Variants in ASXL3 observed in about 807,000 individuals in gnomAD.
ASXL3 encodes putative Polycomb group protein ASXL3.
In ASXL3, 34 loss-of-function variants were observed where a neutral mutation model predicts 170.6. The observed-to-expected ratio is 0.20, with a 90% CI of 0.15 to 0.27. ASXL3 has a LOEUF of 0.27. Ranked by LOEUF, ASXL3 falls within the 10% of genes least tolerant of loss-of-function variation. The pLI is 1.00. For missense variants in ASXL3, 2,592 were observed against 2,695.3 expected, an observed-to-expected ratio of 0.96 and a Z score of 0.85; for synonymous variants, 1,002 against 989.1, an observed-to-expected ratio of 1.01 and a Z score of -0.24.
rs375335628 is a variant in ASXL3, at chr18:33,744,600, T to C, written c.4752T>C (p.Arg1584=). ...GTCATAACTTTGCTGAGCAGGCACG[T>C]GGCCCAGCTCCTTTCAAAAGTGAAG... ...APSHNFAEQA[R]GPAPFKSEAD... is the part of the protein sequence containing the mutation. Residue 1584 remains arginine (R), a synonymous_variant, in exon 12 of 12, where the codon CGT becomes CGC. Transcript: ENST00000269197. 3.6e-4 allele frequency: 579 copies of C among 1,609,214 alleles called. No homozygotes were observed. Among genetic ancestry groups the C allele is most frequent in the Non-Finnish European group, 4.6e-4 (547 of 1,177,652 alleles).
At position 33,744,796 on chromosome 18, in the gene ASXL3, T is replaced by C. The variant is rs778210747; in HGVS notation, c.4948T>C (p.Leu1650=). ...TATCAAAACTGAACATGCCAACTAC[T>C]TGAACGTGTCAGAACTTCATCCCAG... ...KAIKTEHANY[L]NVSELHPRNL... is the part of the protein sequence containing the mutation. Residue 1650 remains leucine, a synonymous_variant, in exon 12 of 12, where the codon TTG becomes CTG. Transcript: ENST00000269197. 2.1e-5 allele frequency: 34 copies of C among 1,614,038 alleles called. 1 individual carries two copies. The Middle Eastern group carries it at 8.2e-4, about 39-fold the overall frequency.
intron 4 of ASXL3, among the ~76,000 whole-genome samples, chr18:33,660,278 T>C (rs1293436367): frequency 6.6e-6 from 1 of 152,168 alleles, no homozygotes; most frequent in Non-Finnish European, 1.5e-5. Context: ...ATAACTGTTA[T>C]TTTATTTTCC....
chr18:33,605,093 C>A (rs2065229844), intron 1 of ASXL3, among the ~76,000 whole-genome samples: 1 of 151,908 alleles, frequency 6.6e-6, no homozygotes, highest in African/African-American at 2.4e-5. Context: ...AACAGATCTC[C>A]CACCAAAACA....
intron 4 of ASXL3, among the ~76,000 whole-genome samples, chr18:33,658,592 T>G (rs967762172): frequency 1.3e-5 from 2 of 152,258 alleles, no homozygotes; most frequent in East Asian, 3.9e-4. Context: ...TTCTTAAAAA[T>G]AAGTTATTTA....
intron 1 of ASXL3, among the ~76,000 whole-genome samples, chr18:33,591,900 C>T (rs1003970674): frequency 1.3e-5 from 2 of 152,100 alleles, no homozygotes; most frequent in African/African-American, 2.4e-5. Flanking sequence ...CTCAGCCTCC[C>T]AAAGTGCTGG....
At chr18:33,734,241 C>A (rs1476738774) in intron 9 of ASXL3, 69 bp from the exon 10 acceptor site, 2 of 1,040,692 alleles carry the variant, frequency 1.9e-6, no homozygotes. Flanking sequence ...AAATGAATTA[C>A]ATGTTTTCTT....
At chr18:33,709,766 T>A (rs1490852817) in intron 8 of ASXL3, among the ~76,000 whole-genome samples, 1 of 152,220 alleles carries the variant, frequency 6.6e-6, no homozygotes, top group Non-Finnish European at 1.5e-5. Context: ...AAGGAAAATA[T>A]GTCACATGTG....
intron 1 of ASXL3, among the ~76,000 whole-genome samples, chr18:33,588,470 C>A (rs1387942444): frequency 8.6e-5 from 13 of 151,264 alleles, no homozygotes; most frequent in African/African-American, 3.2e-4. Flanking sequence ...AACACATAGA[C>A]AAGGTCATGC....
At chr18:33,726,147 G>A (rs2067346477) in intron 8 of ASXL3, among the ~76,000 whole-genome samples, 1 of 152,074 alleles carries the variant, frequency 6.6e-6, no homozygotes, top group Non-Finnish European at 1.5e-5. Flanking sequence ...AAACTAATTA[G>A]CAGTTTTCTA....
In ASXL3 at chr18:33,661,711, C is replaced by G; in HGVS notation, c.451C>G (p.Gln151Glu). ...AAGCAAGTTAGTGTCTTCCTTCCAG[C>G]AGCACACCAAAAAGGCTCTTAAACA... Reference protein sequence around the residue: ...VQSKLVSSFQQHTKKALKQAL... With the variant: ...VQSKLVSSFQEHTKKALKQAL... Residue 151 changes from glutamine to glutamate, a missense_variant, in exon 5 of 12, where the codon CAG becomes GAG. Coordinates refer to ENST00000269197, the MANE Select transcript of ASXL3 (RefSeq NM_030632.3). 6.2e-7 allele frequency: 1 copy of G among 1,612,766 alleles called. No homozygotes were observed. Among genetic ancestry groups the G allele is most frequent in the Non-Finnish European group, 8.5e-7 (1 of 1,179,352 alleles).
rs1372476120 is a variant in ASXL3 at position 33,743,524 on chromosome 18, A to T, written c.3676A>T (p.Ser1226Cys). 6.2e-7 allele frequency: 1 copy of T among 1,613,482 alleles called. No individual in the cohort carries two copies. Among genetic ancestry groups the T allele is most frequent in the South Asian group, 1.1e-5 (1 of 91,080 alleles). The change falls in exon 12 of 12, where the codon AGT (serine) becomes TGT (cysteine). Residue 1226 changes from serine to cysteine, a missense_variant. Physicochemically the swap from Ser to Cys is moderately radical, Grantham distance 112. Coordinates refer to ENST00000269197, the MANE Select transcript of ASXL3 (RefSeq NM_030632.3). ...IVSSTSSENS[S>C]VPMLFNKNSV... ...TTCATCTACCTCTTCTGAAAATAGC[A>T]GTGTGCCCATGCTTTTTAATAAAAA...
At chr18:33,636,704 T>G (rs2065771922) in intron 2 of ASXL3, among the ~76,000 whole-genome samples, 1 of 152,226 alleles carries the variant, frequency 6.6e-6, no homozygotes, top group Non-Finnish European at 1.5e-5. Flanking sequence ...AGGAGATGCA[T>G]TTCATGTCAG....
At chr18:33,650,135 C>A (rs1488999365) in intron 4 of ASXL3, among the ~76,000 whole-genome samples, 1 of 152,072 alleles carries the variant, frequency 6.6e-6, no homozygotes, top group African/African-American at 2.4e-5. Context: ...GAATCATCAG[C>A]ATGGATATTG....
intron 8 of ASXL3, among the ~76,000 whole-genome samples, chr18:33,720,471 T>C (rs944435762): frequency 6.6e-6 from 1 of 152,056 alleles, no homozygotes; most frequent in Admixed American, 6.6e-5. Flanking sequence ...TGGAAGTTTT[T>C]TCCCCCCTTC....
At chr18:33,654,894 G>T (rs1011021288) in intron 4 of ASXL3, among the ~76,000 whole-genome samples, 1 of 152,012 alleles carries the variant, frequency 6.6e-6, no homozygotes, top group Non-Finnish European at 1.5e-5. Context: ...TGTTTAAGGA[G>T]ATATTTTTAT....
chr18:33,674,669 AGTGCAGTG>A (rs1444506088), intron 7 of ASXL3, among the ~76,000 whole-genome samples: 3 of 149,876 alleles, frequency 2.0e-5, no homozygotes, highest in African/African-American at 7.4e-5. Context: ...TCCAGACTGG[AGTGCAGTG>A]GTGCGATCTC....
intron 4 of ASXL3, among the ~76,000 whole-genome samples, chr18:33,659,576 C>T (rs2066139581): frequency 6.6e-6 from 1 of 152,058 alleles, no homozygotes; most frequent in Admixed American, 6.6e-5. Flanking sequence ...GACTTCAGAA[C>T]ATTGAAAAGG....
intron 8 of ASXL3, among the ~76,000 whole-genome samples, chr18:33,729,589 A>G (rs2067409551): frequency 6.6e-6 from 1 of 152,146 alleles, no homozygotes; most frequent in Admixed American, 6.6e-5. Flanking sequence ...AACTCTTTAA[A>G]AAGTAACTGG....
At chr18:33,612,445 C>T (rs1169238109) in intron 2 of ASXL3, among the ~76,000 whole-genome samples, 1 of 152,032 alleles carries the variant, frequency 6.6e-6, no homozygotes, top group Non-Finnish European at 1.5e-5. Flanking sequence ...TTTTAGATTT[C>T]ATGATGTAGA....
Sources: gnomAD v4.1 joint callset for allele counts (sites outside exome capture counted in the v4.1 genomes callset) on GRCh38, gnomAD v4.1.1 for gene constraint, MANE v1.5 for transcripts, NCBI Gene and HGNC (gene_info 2026-07-23, HGNC 2026-07-21) for gene names.